Variants in LMOD1 observed in about 807,000 individuals in gnomAD.
LMOD1 encodes the protein leiomodin 1.
Under a neutral mutation model 36.5 loss-of-function variants are expected in LMOD1, and 8 were observed. The ratio of observed to expected loss-of-function variants is 0.22; its 90% CI spans 0.13 to 0.40. LMOD1 has a LOEUF of 0.40. Among genes scored for constraint, LMOD1 ranks in the 10% least tolerant of loss-of-function variants. The pLI is 1.00. For missense variants in LMOD1, 630 were observed against 751.1 expected (o/e 0.84, Z 1.88); for synonymous variants, 284 against 288.7 (o/e 0.98, Z 0.17).
intron 1 of LMOD1, among the ~76,000 whole-genome samples, chr1:201,921,742 C>T (rs986130239): frequency 3.4e-4 from 51 of 151,740 alleles, no homozygotes; most frequent in Admixed American, 3.0e-3. Flanking sequence ...GGGCGGATCA[C>T]GAGGTCAGGA....
chr1:201,925,452 C>T (rs1032860561), intron 1 of LMOD1, among the ~76,000 whole-genome samples: 1 of 152,154 alleles, frequency 6.6e-6, no homozygotes, highest in Admixed American at 6.5e-5. Flanking sequence ...TGTTCTAAGA[C>T]AGCAACTAAG....
At chr1:201,945,602 C>T (rs146527426) in intron 1 of LMOD1, among the ~76,000 whole-genome samples, 34 of 152,244 alleles carry the variant, frequency 2.2e-4, no homozygotes, top group African/African-American at 7.7e-4. Flanking sequence ...ATCCATGTGC[C>T]GTGAGATGCC....
intron 1 of LMOD1, among the ~76,000 whole-genome samples, chr1:201,936,009 G>A (rs945238033): frequency 2.0e-5 from 3 of 150,612 alleles, no homozygotes; most frequent in African/African-American, 7.3e-5. Flanking sequence ...TGGCTACTCA[G>A]GAGGCTGAGG....
chr1:201,932,886 CAGA>C (rs1403454385), intron 1 of LMOD1, among the ~76,000 whole-genome samples: 11 of 152,156 alleles, frequency 7.2e-5, no homozygotes, highest in Admixed American at 3.3e-4. Context: ...TCCTTATTGA[CAGA>C]AGAAGAAATT....
At chr1:201,941,693 G>A (rs757317043) in intron 1 of LMOD1, among the ~76,000 whole-genome samples, 1 of 152,222 alleles carries the variant, frequency 6.6e-6, no homozygotes, top group Non-Finnish European at 1.5e-5. Flanking sequence ...TGGGGGAGGG[G>A]GCTGCTGAGG....
intron 1 of LMOD1, among the ~76,000 whole-genome samples, chr1:201,901,584 A>ATATG (rs1681316125): frequency 3.4e-5 from 1 of 29,132 alleles, no homozygotes; most frequent in African/African-American, 1.2e-4. Flanking sequence ...ATATATATAT[A>ATATG]CATATATATA....
In LMOD1 at chr1:201,931,906, A is replaced by G. The variant is rs182739195; in HGVS notation, c.261+14174T>C. 1.1e-3 allele frequency among the ~76,000 whole-genome samples: 168 copies of G among 152,262 alleles called. 1 individual carries two copies. Among genetic ancestry groups the G allele is most frequent in the Non-Finnish European group, 1.4e-3 (98 of 68,022 alleles). ...ACAGGGCCAGACCCTGTATCAAAAA[A>G]AAACAAACTAATTTTTAGAATAGTG... On this transcript the variant is annotated intron_variant, in intron 1 of 2. Coordinates refer to ENST00000367288, the MANE Select transcript of LMOD1 (RefSeq NM_012134.3).
At chr1:201,901,399 G>A (rs908153869) in intron 1 of LMOD1, among the ~76,000 whole-genome samples, 1 of 150,026 alleles carries the variant, frequency 6.7e-6, no homozygotes, top group African/African-American at 2.5e-5. Flanking sequence ...CTACTCGGGA[G>A]GCAGAGGCAG....
At chr1:201,944,598 T>G (rs1167969664) in intron 1 of LMOD1, among the ~76,000 whole-genome samples, 2 of 152,176 alleles carry the variant, frequency 1.3e-5, no homozygotes, top group African/African-American at 4.8e-5. Flanking sequence ...TTGGTTTTAT[T>G]TATCATTATC....
At chr1:201,921,142 G>C (rs1442182243) in intron 1 of LMOD1, among the ~76,000 whole-genome samples, 1 of 151,794 alleles carries the variant, frequency 6.6e-6, no homozygotes, top group Non-Finnish European at 1.5e-5. Flanking sequence ...TGGCACTTGA[G>C]ATGATCAACT....
chr1:201,936,353 C>T (rs901720698), intron 1 of LMOD1, among the ~76,000 whole-genome samples: 3 of 152,054 alleles, frequency 2.0e-5, no homozygotes, highest in Non-Finnish European at 4.4e-5. Context: ...CACATCTCTC[C>T]CCTACTCAAA....
intron 1 of LMOD1, among the ~76,000 whole-genome samples, chr1:201,905,307 C>G (rs1052947152): frequency 6.6e-6 from 1 of 152,140 alleles, no homozygotes; most frequent in African/African-American, 2.4e-5. Context: ...GCCCCCATCT[C>G]CTCCAGGCCT....
rs774692839 is a variant in LMOD1, at chr1:201,946,230, G to T, written c.111C>A (p.Asp37Glu). ...GAACACTCCCGTCTGGGTCCACCAC[G>T]TCCAGCTCCTTCTCCAGCTCCTCCA... is the stretch of plus-strand genomic sequence containing the variant. ...EEMEELEKEL[D>E]VVDPDGSVPV... Residue 37 changes from aspartate (D) to glutamate (E), a missense_variant, in exon 1 of 3, where the codon GAC (aspartate) becomes GAA (glutamate). Transcript: ENST00000367288. 4 of 1,613,872 alleles carry T rather than the reference G, an allele frequency of 2.5e-6. No homozygotes were observed. The highest frequency in any genetic ancestry group is 1.7e-6 in the Non-Finnish European group (2 of 1,179,904).
chr1:201,920,524 G>A (rs1252063977), intron 1 of LMOD1, among the ~76,000 whole-genome samples: 1 of 152,182 alleles, frequency 6.6e-6, no homozygotes, highest in Non-Finnish European at 1.5e-5. Context: ...CTTGCTTGCT[G>A]AGGAAGTCAA....
Position 201,924,711 on chromosome 1 carries a change from A to G in LMOD1, c.261+21369T>C, listed in dbSNP as rs1189172027. On this transcript the variant is annotated intron_variant, in intron 1 of 2. Coordinates refer to ENST00000367288, the MANE Select transcript of LMOD1 (RefSeq NM_012134.3). ...AAAGAAAGAAAGAAAGAAAGAAAGA[A>G]AGAAAGAAAGAAAGAAAGAAAAGAA... Among the ~76,000 whole-genome samples, 12 of 103,038 alleles carry G rather than the reference A, an allele frequency of 1.2e-4. No individual in the cohort carries two copies. In the South Asian group the frequency reaches 3.6e-3, roughly 31 times the overall value. The allele number at this position is 103,038 out of a possible 152,430, so 67.6% of individuals were successfully genotyped here. A position where few individuals can be genotyped will look rare whatever the true frequency, so the allele number is the denominator to read the frequency against.
In LMOD1 at chr1:201,901,618, ATATGTG is replaced by A. The variant is rs1318742159; in HGVS notation, c.262-873_262-868del. Reference sequence around the variant, plus strand: ...TATGTATATATATATATACACATATATATGTGTGTGTGTATATATATATATATATAC... The same window carrying A: ...TATGTATATATATATATACACATATATGTGTGTATATATATATATATATAC... On this transcript the variant is annotated intron_variant, in intron 1 of 2. Coordinates refer to ENST00000367288, the MANE Select transcript of LMOD1 (RefSeq NM_012134.3). Among the ~76,000 whole-genome samples the A allele has an allele frequency of 9.3e-4, 29 of 31,090 alleles. 2 individuals carry two copies. The highest frequency in any genetic ancestry group is 3.4e-3 in the African/African-American group (26 of 7,640). 20.4% of individuals were successfully genotyped at this position (31,090 alleles called of 152,430 possible). A position where few individuals can be genotyped will look rare whatever the true frequency, so the allele number is the denominator to read the frequency against.
At chr1:201,913,766 T>G (rs1681553402) in intron 1 of LMOD1, among the ~76,000 whole-genome samples, 1 of 152,176 alleles carries the variant, frequency 6.6e-6, no homozygotes, top group African/African-American at 2.4e-5. Context: ...GCCTGTGAAA[T>G]GGGGACACCT....
Position 201,898,036 on chromosome 1 carries a change from A to G in LMOD1, c.*336T>C, listed in dbSNP as rs1351313026. ...GGGGTGGATGTGGTCCCTGTGGGAC[A>G]TCTTTCCTGGATCACAGGCCTTTTG... On this transcript the variant is annotated 3_prime_UTR_variant, in exon 3 of 3. Transcript: ENST00000367288. 3.2e-6 allele frequency: 1 copy of G among 314,382 alleles called. No individual in the cohort carries two copies. Among genetic ancestry groups the G allele is most frequent in the Non-Finnish European group, 5.9e-6 (1 of 169,736 alleles). 19.5% of individuals were successfully genotyped at this position (314,382 alleles called of 1,614,324 possible).
intron 1 of LMOD1, among the ~76,000 whole-genome samples, chr1:201,901,816 G>C (rs943325488): frequency 8.1e-5 from 12 of 147,756 alleles, no homozygotes; most frequent in African/African-American, 3.0e-4. Flanking sequence ...TGCTTTTAAG[G>C]AGTAGGCCAA....
Sources: allele counts gnomAD v4.1 joint callset (sites outside exome capture counted in the v4.1 genomes callset), GRCh38; gene constraint gnomAD v4.1.1; transcripts MANE v1.5; gene names NCBI Gene and HGNC (gene_info 2026-07-23, HGNC 2026-07-21).